MAPK6: variants seen among roughly 807,000 people sequenced by gnomAD.
The protein encoded by MAPK6 is ERK-3.
A neutral mutation model predicts 59.3 loss-of-function variants in MAPK6; 19 were observed. That is an observed-to-expected ratio of 0.32 (90% CI 0.22 to 0.47). The LOEUF (loss-of-function observed/expected upper bound fraction) is 0.47. Among genes scored for constraint, MAPK6 ranks in the 20% least tolerant of loss-of-function variants. The pLI is 1.00. For missense variants in MAPK6, 724 were observed against 847.9 expected, an observed-to-expected ratio of 0.85 and a Z score of 1.81; for synonymous variants, 316 against 290.3, an observed-to-expected ratio of 1.09 and a Z score of -0.90.
intron 1 of MAPK6, chr15:52,024,441 C>T (rs2030670934): frequency 6.6e-6 from 1 of 151,398 alleles, no homozygotes; most frequent in Non-Finnish European, 1.5e-5. Context: ...CACTCTGTCA[C>T]CCAGGCTAGA....
chr15:52,054,925 T>C (rs1223699649), intron 3 of MAPK6, among the ~76,000 whole-genome samples: 1 of 152,098 alleles, frequency 6.6e-6, no homozygotes, highest in Non-Finnish European at 1.5e-5. Flanking sequence ...GTAGCTGGGA[T>C]TACAGGCATC....
chr15:52,057,609 A>G lies in MAPK6; in HGVS notation c.701-1024A>G, dbSNP rs550480932. Among the ~76,000 whole-genome samples, 3 of 151,672 alleles carry G rather than the reference A, an allele frequency of 2.0e-5. No homozygotes were observed. The South Asian group carries it at 6.2e-4, about 32-fold the overall frequency. On this transcript the variant is annotated intron_variant, in intron 3 of 5. Transcript: ENST00000261845. ...GCCCAGGCTAGAGTGCAGTGACATG[A>G]TCTTGGCTTACTGCAACCTCCTCCT...
At chr15:52,025,941 G>T (rs2030756620) in intron 1 of MAPK6, among the ~76,000 whole-genome samples, 1 of 152,304 alleles carries the variant, frequency 6.6e-6, no homozygotes, top group Admixed American at 6.5e-5. Context: ...ATTGGAGAGA[G>T]AGTATGTTGA....
intron 2 of MAPK6, among the ~76,000 whole-genome samples, chr15:51,998,273 C>T (rs1338336552): frequency 2.0e-5 from 3 of 151,946 alleles, no homozygotes; most frequent in Non-Finnish European, 4.4e-5. Flanking sequence ...AGCACAATCT[C>T]GGCTCACTGC....
chr15:52,058,892 C>A, intron 4 of MAPK6, 95 bp downstream of exon 4: 1 of 1,043,604 alleles, frequency 9.6e-7, no homozygotes, highest in Non-Finnish European at 1.3e-6. Context: ...AGATATGGGG[C>A]TTTCTCCAAA....
intron 3 of MAPK6, among the ~76,000 whole-genome samples, chr15:52,054,879 C>G (rs80146074): frequency 1.2e-4 from 19 of 152,110 alleles, no homozygotes; most frequent in Non-Finnish European, 1.5e-4. Flanking sequence ...CCTCCGCCTC[C>G]CAGGTTCAAG....
At chr15:52,049,890 G>T (rs2031722171) in intron 2 of MAPK6, 103 bp from the exon 3 acceptor site, 2 of 1,075,020 alleles carry the variant, frequency 1.9e-6, no homozygotes, top group Middle Eastern at 3.0e-4. Flanking sequence ...TGGGATTACA[G>T]GCATGAGCCA....
upstream of MAPK6, among the ~76,000 whole-genome samples, chr15:52,018,249 G>A (rs567148796): frequency 7.9e-5 from 12 of 152,172 alleles, no homozygotes; most frequent in South Asian, 2.5e-3. Flanking sequence ...TGCTGGTCTC[G>A]AACTCCTGGC....
chr15:52,029,297 C>T (rs1474173661), intron 1 of MAPK6, among the ~76,000 whole-genome samples: 1 of 152,150 alleles, frequency 6.6e-6, no homozygotes, highest in Non-Finnish European at 1.5e-5. Flanking sequence ...AGGCATAAGC[C>T]ACTGCACCTA....
chr15:52,056,444 G>C (rs376679740), intron 3 of MAPK6, among the ~76,000 whole-genome samples: 15 of 151,808 alleles, frequency 9.9e-5, no homozygotes, highest in African/African-American at 3.7e-4. Context: ...CAAAAGATGC[G>C]TGCATCCTTG....
intron 1 of MAPK6, among the ~76,000 whole-genome samples, chr15:52,033,433 T>C (rs938008061): frequency 4.6e-5 from 7 of 152,190 alleles, no homozygotes; most frequent in Non-Finnish European, 1.0e-4. Flanking sequence ...CTTTCATTTT[T>C]CATCCGTCCT....
chr15:52,048,950 C>T (rs183931253), intron 2 of MAPK6, among the ~76,000 whole-genome samples: 1 of 151,862 alleles, frequency 6.6e-6, no homozygotes, highest in South Asian at 2.1e-4. Flanking sequence ...GGATAGAGCA[C>T]TGAACTAATA....
chr15:51,999,924 G>T (rs918228656), intron 2 of MAPK6, among the ~76,000 whole-genome samples: 12 of 152,082 alleles, frequency 7.9e-5, no homozygotes, highest in Non-Finnish European at 1.6e-4. Context: ...GATTACAGGC[G>T]TGAGCCACCA....
chr15:51,992,333 G>A lies in MAPK6; in HGVS notation c.-770+9018G>A, dbSNP rs560674680. Among the ~76,000 whole-genome samples, 65 of 131,550 alleles carry A rather than the reference G, an allele frequency of 4.9e-4. 2 individuals carry two copies. The South Asian group carries it at 0.012, about 25-fold the overall frequency. 86.3% of individuals were successfully genotyped at this position (131,550 alleles called of 152,430 possible). A position where few individuals can be genotyped will look rare whatever the true frequency, so the allele number is the denominator to read the frequency against. On this transcript the variant is annotated intron_variant, in intron 2 of 7. Transcript: ENST00000691380. ...TTTTTTTTTTTTGAGACAGAGTCTC[G>A]CACTCTAGCCCAGGCTGGAGTGCAG...
intron 2 of MAPK6, among the ~76,000 whole-genome samples, chr15:51,997,921 TTCTC>T (rs371955119): frequency 0.075 from 11,239 of 149,928 alleles, 1,117 homozygotes; most frequent in African/African-American, 0.22. Context: ...TTTTCTTTCT[TTCTC>T]TTTCTTTCTT....
chr15:51,973,962 T>A (rs1249973722), intron 1 of MAPK6, among the ~76,000 whole-genome samples: 1 of 151,896 alleles, frequency 6.6e-6, no homozygotes. Context: ...TTGTTTTGGT[T>A]ACACTTTATG....
chr15:52,020,066 C>T (rs766935420), intron 1 of MAPK6: 2 of 152,312 alleles, frequency 1.3e-5, no homozygotes, highest in African/African-American at 2.4e-5. Flanking sequence ...TTCCTAATTT[C>T]CTCCCTCGGC....
At chr15:52,054,931 GCA>G (rs1257414836) in intron 3 of MAPK6, among the ~76,000 whole-genome samples, 1 of 152,174 alleles carries the variant, frequency 6.6e-6, no homozygotes, top group East Asian at 1.9e-4. Context: ...GGGATTACAG[GCA>G]TCTGCCACCA....
In MAPK6 at chr15:52,058,683, G is replaced by C. The variant is rs1596010312; in HGVS notation, c.751G>C (p.Val251Leu). The change falls in exon 4 of 6, where the codon GTA becomes CTA. Residue 251 changes from valine (V) to leucine (L), a missense_variant. Physicochemically the swap from Val to Leu is conservative, Grantham distance 32. Around this residue, in one of 4 missense-constraint regions of MAPK6, gnomAD observed 105 missense variants for 191.9 expected, o/e 0.55. Transcript: ENST00000261845. ...MQLILESIPVVHEEDRQELLS... is the reference protein window; with the variant it reads ...MQLILESIPVLHEEDRQELLS... ...GCTGATTTTAGAATCTATTCCTGTT[G>C]TACATGAGGAAGATCGTCAGGAGCT... The C allele has an allele frequency of 6.2e-7, 1 of 1,613,258 alleles. No individual in the cohort carries two copies. Among genetic ancestry groups the C allele is most frequent in the Non-Finnish European group, 8.5e-7 (1 of 1,179,588 alleles).
Sources: gnomAD v4.1 joint callset for allele counts (sites outside exome capture counted in the v4.1 genomes callset) on GRCh38, gnomAD v4.1.1 for gene constraint, gnomAD v4.1.1 regional missense constraint, MANE v1.5 for transcripts, NCBI Gene and HGNC (gene_info 2026-07-23, HGNC 2026-07-21) for gene names.